Variants in KDM4C observed in about 807,000 individuals in gnomAD.
The protein encoded by KDM4C is lysine demethylase 4C, also known as lysine-specific demethylase 4C.
KDM4C carries 81 observed loss-of-function variants against 129.3 expected under a neutral mutation model. That is an observed-to-expected ratio of 0.63 (90% CI 0.52 to 0.75). KDM4C has a LOEUF of 0.75. Among genes scored for constraint, KDM4C ranks in the 30% least tolerant of loss-of-function variants. The pLI, the probability that KDM4C is intolerant of heterozygous loss-of-function variation, is 0.00. For synonymous variants in KDM4C, 573 were observed against 456.1 expected, an observed-to-expected ratio of 1.26 and a Z score of -3.26; for missense variants, 1,457 against 1,304.0, an observed-to-expected ratio of 1.12 and a Z score of -1.81.
intron 19 of KDM4C, among the ~76,000 whole-genome samples, chr9:7,128,756 C>T (rs191109180): frequency 2.0e-5 from 3 of 152,112 alleles, no homozygotes; most frequent in East Asian, 1.9e-4. Flanking sequence ...GTTACTGTGG[C>T]GGAGACTAGA....
At chr9:7,045,181 C>T (rs1413676590) in intron 15 of KDM4C, among the ~76,000 whole-genome samples, 1 of 151,974 alleles carries the variant, frequency 6.6e-6, no homozygotes, top group Non-Finnish European at 1.5e-5. Context: ...GTTAATGATC[C>T]TAATCAGGTG....
chr9:7,139,505 G>C (rs1039038651), intron 19 of KDM4C, among the ~76,000 whole-genome samples: 3 of 152,176 alleles, frequency 2.0e-5, no homozygotes, highest in Non-Finnish European at 4.4e-5. Flanking sequence ...ACTATGGAAA[G>C]AATGTGGATG....
chr9:6,802,818 G>T (rs1490933117), intron 2 of KDM4C, among the ~76,000 whole-genome samples: 3 of 152,208 alleles, frequency 2.0e-5, no homozygotes, highest in Non-Finnish European at 4.4e-5. Flanking sequence ...TGTTGGCCAA[G>T]CTGATCTTAA....
At position 7,174,832 on chromosome 9, in the gene KDM4C, AG is replaced by A. The variant is rs1845302187; in HGVS notation, c.*106del. On this transcript the variant is annotated 3_prime_UTR_variant, in exon 22 of 22. Coordinates refer to ENST00000381309, the MANE Select transcript of KDM4C (RefSeq NM_015061.6). ...CGTGAGTTTTGCTGGCATAGGTGAC[AG>A]GGTGTGTCTCTGACAGTGGTAAATC... 3.1e-6 allele frequency: 3 copies of A among 983,308 alleles called. No individual in the cohort carries two copies. Among genetic ancestry groups the A allele is most frequent in the Non-Finnish European group, 4.6e-6 (3 of 647,012 alleles). The allele number at this position is 983,308 out of a possible 1,614,324, so 60.9% of individuals were successfully genotyped here.
chr9:6,962,423 G>T (rs1403090873), intron 8 of KDM4C, among the ~76,000 whole-genome samples: 1 of 152,158 alleles, frequency 6.6e-6, no homozygotes, highest in Non-Finnish European at 1.5e-5. Flanking sequence ...AAGGATAATT[G>T]CAATTTTCAG....
At chr9:7,068,988 C>T (rs1228870676) in intron 17 of KDM4C, among the ~76,000 whole-genome samples, 3 of 152,002 alleles carry the variant, frequency 2.0e-5, no homozygotes, top group East Asian at 1.9e-4. Context: ...TGAGCCACCG[C>T]GCCTGGCCTA....
At chr9:6,964,817 A>G (rs1270976775) in intron 8 of KDM4C, among the ~76,000 whole-genome samples, 1 of 142,508 alleles carries the variant, frequency 7.0e-6, no homozygotes, top group East Asian at 2.1e-4. Flanking sequence ...GACTGGGCGC[A>G]GTAGCACATG....
intron 8 of KDM4C, among the ~76,000 whole-genome samples, chr9:6,955,606 C>G (rs1003847339): frequency 6.6e-6 from 1 of 152,144 alleles, no homozygotes; most frequent in African/African-American, 2.4e-5. Flanking sequence ...CGTGACCAGC[C>G]TCTGATTAAT....
chr9:6,766,741 C>T (rs1457823992), intron 1 of KDM4C, among the ~76,000 whole-genome samples: 2 of 151,812 alleles, frequency 1.3e-5, no homozygotes, highest in African/African-American at 4.8e-5. Context: ...GTAGGCAGGC[C>T]CCAGCTGATG....
At chr9:7,028,315 C>T in intron 15 of KDM4C, among the ~76,000 whole-genome samples, 1 of 151,752 alleles carries the variant, frequency 6.6e-6, no homozygotes, top group Non-Finnish European at 1.5e-5. Flanking sequence ...ATGGGTCTTG[C>T]CAATACTGGG....
At chr9:6,775,710 C>T (rs1257757463) in intron 1 of KDM4C, among the ~76,000 whole-genome samples, 4 of 150,964 alleles carry the variant, frequency 2.6e-5, no homozygotes, top group Admixed American at 1.3e-4. Context: ...TTAGTAGAGA[C>T]GGGGTTTCTC....
intron 4 of KDM4C, among the ~76,000 whole-genome samples, chr9:6,822,225 C>T (rs1027777793): frequency 8.5e-5 from 13 of 152,098 alleles, no homozygotes; most frequent in Non-Finnish European, 1.5e-4. Context: ...TGTGCACTAC[C>T]GTGGCAGAGG....
At chr9:6,886,804 T>G (rs1845356876) in intron 6 of KDM4C, among the ~76,000 whole-genome samples, 1 of 152,126 alleles carries the variant, frequency 6.6e-6, no homozygotes, top group South Asian at 2.1e-4. Flanking sequence ...TATTTTTTAG[T>G]AGAACCCGGG....
intron 1 of KDM4C, among the ~76,000 whole-genome samples, chr9:6,780,421 C>T (rs976684222): frequency 2.6e-4 from 40 of 151,586 alleles, no homozygotes; most frequent in African/African-American, 8.7e-4. Flanking sequence ...CATATTGCTT[C>T]TCAAGTATCC....
Position 6,758,222 on chromosome 9 carries a change from T to G in KDM4C, c.-18+19T>G. 2 of 983,964 alleles carry G rather than the reference T, an allele frequency of 2.0e-6. No homozygotes were observed. Among genetic ancestry groups the G allele is most frequent in the Non-Finnish European group, 2.4e-6 (2 of 828,768 alleles). 61.0% of individuals were successfully genotyped at this position (983,964 alleles called of 1,614,324 possible). A position where few individuals can be genotyped will look rare whatever the true frequency, so the allele number is the denominator to read the frequency against. On this transcript the variant is annotated intron_variant, in intron 1 of 21. Coordinates refer to ENST00000381309, the MANE Select transcript of KDM4C (RefSeq NM_015061.6). The surrounding 1 kb of genome is among the most constrained non-coding windows in gnomAD (Gnocchi z 4.6). Reference sequence around the variant, plus strand: ...GCGCCAGGTAACCGCTTTTCCGGAGTCTGGGGGCCAGGGCGGGGGGAGGGT... The same window carrying G: ...GCGCCAGGTAACCGCTTTTCCGGAGGCTGGGGGCCAGGGCGGGGGGAGGGT...
At chr9:6,831,926 A>G (rs1186884388) in intron 4 of KDM4C, among the ~76,000 whole-genome samples, 1 of 152,238 alleles carries the variant, frequency 6.6e-6, no homozygotes, top group African/African-American at 2.4e-5. Context: ...AATGAGGTCC[A>G]TTAGTAAGGA....
At chr9:7,048,400 A>G (rs1829707068) in intron 16 of KDM4C, among the ~76,000 whole-genome samples, 2 of 152,068 alleles carry the variant, frequency 1.3e-5, no homozygotes, top group Non-Finnish European at 1.5e-5. Flanking sequence ...AATTCTTTCA[A>G]GATCTCTTCA....
At chr9:6,993,377 TA>T (rs1819102257) in intron 12 of KDM4C, among the ~76,000 whole-genome samples, 1 of 152,212 alleles carries the variant, frequency 6.6e-6, no homozygotes, top group Non-Finnish European at 1.5e-5. Context: ...CATGTTTTTC[TA>T]AGGTTAGGCA....
At chr9:6,858,118 C>G (rs573948882) in intron 5 of KDM4C, among the ~76,000 whole-genome samples, 12 of 151,982 alleles carry the variant, frequency 7.9e-5, no homozygotes, top group Admixed American at 6.5e-4. Context: ...CTATGCCTGG[C>G]AGTAACCTGC....
Sources: allele counts gnomAD v4.1 joint callset (sites outside exome capture counted in the v4.1 genomes callset), GRCh38; gene constraint gnomAD v4.1.1; non-coding constraint Gnocchi (gnomAD v3.1); transcripts MANE v1.5; gene names NCBI Gene and HGNC (gene_info 2026-07-23, HGNC 2026-07-21).